The following DOCK7 variants were observed in gnomAD, a reference collection of about 807,000 sequenced individuals.
DOCK7 encodes dedicator of cytokinesis protein 7.
Under a neutral mutation model 271.0 loss-of-function variants are expected in DOCK7, and 138 were observed. The ratio of observed to expected loss-of-function variants is 0.51; its 90% CI spans 0.44 to 0.59. DOCK7 has a LOEUF of 0.59. DOCK7 is among the 20% of genes least tolerant of loss of function. The pLI is 0.00. For synonymous variants in DOCK7, 823 were observed against 876.1 expected (o/e 0.94, Z 1.07); for missense variants, 2,066 against 2,592.4 (o/e 0.80, Z 4.41).
chr1:62,546,946 T>C (rs939268512), intron 22 of DOCK7, among the ~76,000 whole-genome samples: 5 of 152,152 alleles, frequency 3.3e-5, no homozygotes, highest in African/African-American at 4.8e-5. Context: ...TCACTACTCA[T>C]GTTACAAAAA....
intron 1 of DOCK7, among the ~76,000 whole-genome samples, chr1:62,671,149 G>A (rs979830842): frequency 2.0e-5 from 3 of 151,920 alleles, no homozygotes; most frequent in African/African-American, 7.3e-5. Context: ...ACATCAGAAG[G>A]GACAGACTCC....
At chr1:62,626,657 C>T (rs1023627482) in intron 11 of DOCK7, among the ~76,000 whole-genome samples, 3 of 152,002 alleles carry the variant, frequency 2.0e-5, no homozygotes, top group African/African-American at 7.2e-5. Flanking sequence ...ATGAAATGGA[C>T]AAATTTCTAG....
chr1:62,630,320 T>C (rs1654462817), intron 11 of DOCK7, among the ~76,000 whole-genome samples: 1 of 152,176 alleles, frequency 6.6e-6, no homozygotes, highest in Non-Finnish European at 1.5e-5. Context: ...CTTTTTCAAG[T>C]GGCTGTGGTT....
chr1:62,604,082 T>C (rs1169703274), intron 14 of DOCK7: 5 of 1,613,166 alleles, frequency 3.1e-6, no homozygotes, highest in African/African-American at 1.3e-5. Flanking sequence ...TGAATATTCT[T>C]TTTACTTGGG....
intron 14 of DOCK7, chr1:62,605,815 T>G (rs1236195613): frequency 6.6e-6 from 1 of 152,104 alleles, no homozygotes; most frequent in African/African-American, 2.4e-5. Flanking sequence ...TCTTGCATGT[T>G]TATCGACATC....
At chr1:62,563,046 C>A (rs986099498) in intron 18 of DOCK7, among the ~76,000 whole-genome samples, 1 of 152,058 alleles carries the variant, frequency 6.6e-6, no homozygotes, top group African/African-American at 2.4e-5. Context: ...TGATAGCAAG[C>A]CCCCAACCAA....
chr1:62,535,240 T>G (rs934478232), intron 29 of DOCK7, among the ~76,000 whole-genome samples: 7 of 152,108 alleles, frequency 4.6e-5, no homozygotes, highest in African/African-American at 9.7e-5. Context: ...AAAAGAACAC[T>G]ACTAAATGAA....
At chr1:62,600,971 T>C in intron 14 of DOCK7, 1 of 714,022 alleles carries the variant, frequency 1.4e-6, no homozygotes, top group Non-Finnish European at 2.6e-6. Flanking sequence ...CAAACACCGT[T>C]ATAACATTAT....
chr1:62,630,859 A>G (rs1654536873), intron 11 of DOCK7, among the ~76,000 whole-genome samples: 1 of 152,116 alleles, frequency 6.6e-6, no homozygotes, highest in Non-Finnish European at 1.5e-5. Flanking sequence ...GCAATATTAC[A>G]TTGCAGAGTC....
At chr1:62,651,783 A>AC (rs1380860099) in intron 4 of DOCK7, among the ~76,000 whole-genome samples, 2 of 152,120 alleles carry the variant, frequency 1.3e-5, no homozygotes, top group African/African-American at 4.8e-5. Context: ...CTAAATTATT[A>AC]CTTCTTTTAT....
chr1:62,655,131 C>G (rs1269111631), intron 2 of DOCK7, among the ~76,000 whole-genome samples: 1 of 152,076 alleles, frequency 6.6e-6, no homozygotes, highest in African/African-American at 2.4e-5. Context: ...TTAAAACTAC[C>G]CATTAATAAT....
chr1:62,525,013 T>C (rs1644965154), intron 31 of DOCK7, among the ~76,000 whole-genome samples: 1 of 147,858 alleles, frequency 6.8e-6, no homozygotes, highest in African/African-American at 2.5e-5. Context: ...TCTCTATCTA[T>C]ACATTTTTTT....
chr1:62,637,431 T>C (rs562935284), intron 7 of DOCK7, among the ~76,000 whole-genome samples: 16 of 152,278 alleles, frequency 1.1e-4, no homozygotes, highest in African/African-American at 3.6e-4. Flanking sequence ...AAGGGAACAT[T>C]TGGCAATACC....
intron 43 of DOCK7, chr1:62,486,768 C>T (rs1646306681): frequency 6.6e-6 from 1 of 152,016 alleles, no homozygotes; most frequent in Non-Finnish European, 1.5e-5. Context: ...AATTTCTTTC[C>T]TCAGTAGTGC....
intron 16 of DOCK7, among the ~76,000 whole-genome samples, chr1:62,582,772 AG>A (rs1557754508): frequency 1.3e-5 from 2 of 152,150 alleles, no homozygotes; most frequent in Non-Finnish European, 2.9e-5. Context: ...CAATTTCCCA[AG>A]GAAGAAAAAT....
At chr1:62,488,794 A>G (rs1432844371) in intron 42 of DOCK7, 140 bp downstream of exon 42, 4 of 1,063,934 alleles carry the variant, frequency 3.8e-6, no homozygotes, top group Non-Finnish European at 5.7e-6. Context: ...TTGGCCATGA[A>G]CTATCATTTT....
At chr1:62,677,779 G>C (rs1161159683) in intron 1 of DOCK7, among the ~76,000 whole-genome samples, 2 of 152,092 alleles carry the variant, frequency 1.3e-5, no homozygotes, top group Non-Finnish European at 2.9e-5. Context: ...TCTACAAAAA[G>C]CTGTCAGCTA....
chr1:62,615,462 G>A (rs573978076), intron 14 of DOCK7, among the ~76,000 whole-genome samples: 1 of 151,874 alleles, frequency 6.6e-6, no homozygotes, highest in East Asian at 1.9e-4. Context: ...TTTAACCAAT[G>A]TCTGTTAACA....
chr1:62,596,299 G>A (rs762479451), intron 14 of DOCK7, among the ~76,000 whole-genome samples: 5 of 152,052 alleles, frequency 3.3e-5, no homozygotes, highest in Admixed American at 2.0e-4. Context: ...GCTAGAGCCG[G>A]CTTTTGGACC....
Sources: gnomAD v4.1 joint callset for allele counts (sites outside exome capture counted in the v4.1 genomes callset) on GRCh38, gnomAD v4.1.1 for gene constraint, MANE v1.5 for transcripts, NCBI Gene and HGNC (gene_info 2026-07-23, HGNC 2026-07-21) for gene names.